UCHL5: variants seen among roughly 807,000 people sequenced by gnomAD.
The protein encoded by UCHL5 is ubiquitin carboxyl-terminal hydrolase isozyme L5.
In UCHL5, 34 loss-of-function variants were observed where a neutral mutation model predicts 53.8. The observed-to-expected ratio is 0.63, with a 90% CI of 0.48 to 0.84. UCHL5 has a LOEUF of 0.84. Ranked by LOEUF, UCHL5 falls within the 40% of genes least tolerant of loss-of-function variation. The pLI, the probability that UCHL5 is intolerant of heterozygous loss-of-function variation, is 0.00. For synonymous variants in UCHL5, 111 were observed against 126.3 expected (o/e 0.88, Z 0.81); for missense variants, 290 against 385.6 (o/e 0.75, Z 2.08).
chr1:193,012,512 C>T lies in UCHL5; in HGVS notation c.*3839G>A, dbSNP rs1654303079. The T allele has an allele frequency of 6.6e-6, 1 of 152,108 alleles. No individual in the cohort carries two copies. Among genetic ancestry groups the T allele is most frequent in the East Asian group, 1.9e-4 (1 of 5,196 alleles). 9.4% of individuals were successfully genotyped at this position (152,108 alleles called of 1,614,324 possible). A position where few individuals can be genotyped will look rare whatever the true frequency, so the allele number is the denominator to read the frequency against. On this transcript the variant is annotated 3_prime_UTR_variant, in exon 11 of 11. Coordinates refer to ENST00000367454, the MANE Select transcript of UCHL5 (RefSeq NM_001199261.3). ...TCTGCCTATATGCCTATATGCAATC[C>T]ACTTGTACAGTGTTAGTTCAGTACT...
intron 3 of UCHL5, 71 bp from the exon 4 acceptor site, chr1:193,029,728 G>T: frequency 8.0e-7 from 1 of 1,245,070 alleles, no homozygotes; most frequent in Non-Finnish European, 1.1e-6. Flanking sequence ...TGGTGACAAT[G>T]GCCCCAAAAC....
At chr1:193,018,925 G>C in intron 10 of UCHL5, 1 of 775,062 alleles carries the variant, frequency 1.3e-6, no homozygotes, top group Non-Finnish European at 1.9e-6. Context: ...AACTATCACT[G>C]GTAAAGATTT....
intron 7 of UCHL5, among the ~76,000 whole-genome samples, chr1:193,024,411 T>C (rs1196699851): frequency 2.6e-5 from 4 of 151,556 alleles, no homozygotes; most frequent in Admixed American, 1.3e-4. Flanking sequence ...ATAAGAAATA[T>C]GGCAACACAT....
chr1:193,023,937 T>C lies in UCHL5; in HGVS notation c.639A>G (p.Glu213=). The part of the protein sequence containing the change: ...VIEKRIQKYS[E]GEIRFNLMAI... The stretch of plus-strand genomic sequence containing the variant: ...CCATTAAATTAAATCGAATTTCACC[T>C]TCACTGTACCTAGAAGAAAATTATT... Residue 213 remains glutamate, a synonymous_variant, in exon 8 of 11, where the codon GAA becomes GAG. Coordinates refer to ENST00000367454, the MANE Select transcript of UCHL5 (RefSeq NM_001199261.3). The C allele has an allele frequency of 6.2e-7, 1 of 1,605,728 alleles. No homozygotes were observed. Among genetic ancestry groups the C allele is most frequent in the Admixed American group, 1.7e-5 (1 of 59,270 alleles).
At chr1:193,044,177 T>A (rs773768663) in intron 3 of UCHL5, among the ~76,000 whole-genome samples, 5 of 152,212 alleles carry the variant, frequency 3.3e-5, no homozygotes. Flanking sequence ...TCAGCACTTA[T>A]CATCATTGTA....
At chr1:193,028,933 A>G (rs1045038643) in intron 6 of UCHL5, among the ~76,000 whole-genome samples, 1 of 152,188 alleles carries the variant, frequency 6.6e-6, no homozygotes, top group Non-Finnish European at 1.5e-5. Context: ...AATATAAATT[A>G]TGTAACCTAT....
At chr1:193,050,754 A>AG (rs1487244708) in intron 2 of UCHL5, among the ~76,000 whole-genome samples, 1 of 150,838 alleles carries the variant, frequency 6.6e-6, no homozygotes, top group Non-Finnish European at 1.5e-5. Flanking sequence ...AAAAAGAAAA[A>AG]GAAAAAAAAA....
At chr1:193,037,020 T>G (rs145505908) in intron 3 of UCHL5, among the ~76,000 whole-genome samples, 3,152 of 151,740 alleles carry the variant, frequency 0.021, 72 homozygotes, top group Non-Finnish European at 0.027. Context: ...AGAGGGAAAT[T>G]CATAGCGAAA....
At chr1:193,056,676 AT>A (rs1670709805) in intron 1 of UCHL5, among the ~76,000 whole-genome samples, 1 of 152,190 alleles carries the variant, frequency 6.6e-6, no homozygotes. Context: ...TCTACAATTC[AT>A]TTCCCTTTCA....
intron 1 of UCHL5, among the ~76,000 whole-genome samples, chr1:193,058,820 C>A (rs1290481455): frequency 6.6e-6 from 1 of 152,212 alleles, no homozygotes; most frequent in Non-Finnish European, 1.5e-5. Context: ...CTTGACCTCA[C>A]CAGCCCGGGA....
In UCHL5 at chr1:193,012,829, CT is replaced by C. The variant is rs1024751215; in HGVS notation, c.*3521del. The C allele has an allele frequency of 1.3e-5, 2 of 152,108 alleles. No homozygotes were observed. The highest frequency in any genetic ancestry group is 2.9e-5 in the Non-Finnish European group (2 of 68,030). The allele number at this position is 152,108 out of a possible 1,614,324, so 9.4% of individuals were successfully genotyped here. ...AGCATCTAGAACAACTCAGATGTAC[CT>C]CATAAGATTGGCTGAATAAATCACT... is the stretch of plus-strand genomic sequence containing the variant. On this transcript the variant is annotated 3_prime_UTR_variant, in exon 11 of 11. Coordinates refer to ENST00000367454, the MANE Select transcript of UCHL5 (RefSeq NM_001199261.3).
chr1:193,049,188 G>A (rs1339702536), intron 3 of UCHL5, among the ~76,000 whole-genome samples: 1 of 152,172 alleles, frequency 6.6e-6, no homozygotes, highest in African/African-American at 2.4e-5. Context: ...CAAGGCGGGT[G>A]TATCACCTGA....
At chr1:193,051,305 C>T (rs1668956730) in intron 2 of UCHL5, among the ~76,000 whole-genome samples, 1 of 151,994 alleles carries the variant, frequency 6.6e-6, no homozygotes, top group Non-Finnish European at 1.5e-5. Context: ...ACATTTGGAA[C>T]TTTAAATATA....
At position 193,028,013 on chromosome 1, in the gene UCHL5, A is replaced by G. The variant is rs1659984012; in HGVS notation, c.629+72T>C. 4 of 1,577,142 alleles carry G rather than the reference A, an allele frequency of 2.5e-6. No homozygotes were observed. The African/African-American group carries it at 5.5e-5, about 22-fold the overall frequency. On this transcript the variant is annotated intron_variant, in intron 7 of 10. Coordinates refer to ENST00000367454, the MANE Select transcript of UCHL5 (RefSeq NM_001199261.3). Reference sequence around the variant, plus strand: ...ATGTTCAATGCACACTGCTAAAATAACAATAAAATACAAGTTTAAAAAATA... The same window carrying G: ...ATGTTCAATGCACACTGCTAAAATAGCAATAAAATACAAGTTTAAAAAATA...
At chr1:193,020,080 T>A (rs990668684) in intron 10 of UCHL5, 2 of 984,936 alleles carry the variant, frequency 2.0e-6, no homozygotes, top group South Asian at 4.7e-5. Flanking sequence ...CTGAGATGCA[T>A]GAACAGAAAA....
At chr1:193,040,639 G>C (rs1361595957) in intron 3 of UCHL5, among the ~76,000 whole-genome samples, 1 of 152,186 alleles carries the variant, frequency 6.6e-6, no homozygotes, top group African/African-American at 2.4e-5. Flanking sequence ...CCACTACTGG[G>C]TATACAGATC....
intron 1 of UCHL5, among the ~76,000 whole-genome samples, chr1:193,054,044 T>C (rs1386639413): frequency 6.8e-6 from 1 of 146,314 alleles, no homozygotes; most frequent in Non-Finnish European, 1.5e-5. Flanking sequence ...AAAACTGTCA[T>C]GGATAAATGA....
chr1:193,025,224 C>T (rs1040537655), intron 7 of UCHL5, among the ~76,000 whole-genome samples: 7 of 152,186 alleles, frequency 4.6e-5, no homozygotes, highest in African/African-American at 1.7e-4. Context: ...AACTTTTAGA[C>T]AATAATCATT....
intron 3 of UCHL5, among the ~76,000 whole-genome samples, chr1:193,031,117 T>C (rs1467363229): frequency 6.6e-6 from 1 of 152,172 alleles, no homozygotes; most frequent in Non-Finnish European, 1.5e-5. Context: ...TAAATTTGGA[T>C]GCAAACTTTA....
Sources: gnomAD v4.1 joint callset for allele counts (sites outside exome capture counted in the v4.1 genomes callset) on GRCh38, gnomAD v4.1.1 for gene constraint, MANE v1.5 for transcripts, NCBI Gene and HGNC (gene_info 2026-07-23, HGNC 2026-07-21) for gene names.